Variants in FAM20A observed in about 807,000 individuals in gnomAD.
The protein encoded by FAM20A is FAM20A golgi associated secretory pathway pseudokinase.
In FAM20A, 42 loss-of-function variants were observed where a neutral mutation model predicts 52.0. The ratio of observed to expected loss-of-function variants is 0.81; its 90% CI spans 0.63 to 1.04. The LOEUF (loss-of-function observed/expected upper bound fraction) is 1.04. Among genes scored for constraint, FAM20A ranks in the 50% least tolerant of loss-of-function variants. The probability of loss-of-function intolerance (pLI) is 0.00; values close to 1 mark genes in which losing one functional copy is unlikely to be tolerated. For missense variants in FAM20A, 742 were observed against 712.7 expected (o/e 1.04, Z -0.47); for synonymous variants, 304 against 298.9 (o/e 1.02, Z -0.18).
intron 1 of FAM20A, among the ~76,000 whole-genome samples, chr17:68,579,691 TG>T (rs1302984366): frequency 1.3e-5 from 2 of 152,210 alleles, no homozygotes; most frequent in Non-Finnish European, 1.5e-5. Context: ...GTAGGGATTC[TG>T]CTCCACACAC....
chr17:68,551,582 G>A (rs1253364254), intron 4 of FAM20A, among the ~76,000 whole-genome samples: 1 of 151,972 alleles, frequency 6.6e-6, no homozygotes, highest in Non-Finnish European at 1.5e-5. Flanking sequence ...GACATTGTAA[G>A]AGTATCTGGC....
chr17:68,590,049 C>T (rs2088261684), intron 1 of FAM20A: 1 of 152,208 alleles, frequency 6.6e-6, no homozygotes, highest in Non-Finnish European at 1.5e-5. Context: ...TCTGTCAGCA[C>T]AGTTACTGGA....
Position 68,539,954 on chromosome 17 carries a change from C to A in FAM20A, c.1232G>T (p.Arg411Leu). The A allele has an allele frequency of 3.1e-6, 5 of 1,614,098 alleles. No individual in the cohort carries two copies. Among genetic ancestry groups the A allele is most frequent in the Non-Finnish European group, 4.2e-6 (5 of 1,180,000 alleles). ...IFDFLIGNMDRHHYEMFTKFG... is the reference protein window; with the variant it reads ...IFDFLIGNMDLHHYEMFTKFG... The stretch of plus-strand genomic sequence containing the variant: ...CTTGGTGAACATCTCATAATGGTGC[C>A]GGTCCATATTCCCTGTGAAGGAGGG... Residue 411 changes from arginine to leucine, a missense_variant, in exon 9 of 11, where the codon CGG (arginine) becomes CTG (leucine). By Grantham distance (102) the Arg-to-Leu change is moderately radical. Coordinates refer to ENST00000592554, the MANE Select transcript of FAM20A (RefSeq NM_017565.4).
At chr17:68,596,894 A>G (rs1442582771) in intron 1 of FAM20A, among the ~76,000 whole-genome samples, 1 of 152,220 alleles carries the variant, frequency 6.6e-6, no homozygotes, top group Non-Finnish European at 1.5e-5. Flanking sequence ...GGGAGGGAAG[A>G]ACAGTGAGTG....
chr17:68,542,116 C>T lies in FAM20A; in HGVS notation c.978G>A (p.Glu326=). ...GGTGTGGGTTGCCACAGACAGCATA[C>T]TCCGTCTTGCACATGTATGGACACT... ...FAKCPYMCKT[E]YAVCGNPHLL... is the part of the protein sequence containing the mutation. Residue 326 remains glutamate (E), a synonymous_variant, in exon 7 of 11, where the codon GAG becomes GAA. Transcript: ENST00000592554. 1 of 1,614,086 alleles carries T rather than the reference C, an allele frequency of 6.2e-7. No homozygotes were observed. The highest frequency in any genetic ancestry group is 8.5e-7 in the Non-Finnish European group (1 of 1,180,014).
rs1481442457 is a variant in FAM20A, at chr17:68,572,000, A to AT, written c.405-16258dup. ...TGTATATACATACATATATATATAT[A>AT]TATATATATATATATATATATATAT... On this transcript the variant is annotated intron_variant, in intron 1 of 10. Transcript: ENST00000592554. 7.3e-3 allele frequency among the ~76,000 whole-genome samples: 266 copies of AT among 36,284 alleles called. 7 individuals carry two copies. Among genetic ancestry groups the AT allele is most frequent in the African/African-American group, 0.028 (203 of 7,336 alleles). The allele number at this position is 36,284 out of a possible 152,430, so 23.8% of individuals were successfully genotyped here. A position where few individuals can be genotyped will look rare whatever the true frequency, so the allele number is the denominator to read the frequency against.
intron 1 of FAM20A, among the ~76,000 whole-genome samples, chr17:68,568,392 C>T (rs888782042): frequency 7.9e-5 from 12 of 151,606 alleles, no homozygotes; most frequent in East Asian, 3.9e-4. Flanking sequence ...GACATGAACC[C>T]GGGAGGTGGA....
chr17:68,540,669 G>C, intron 8 of FAM20A, 180 bp downstream of exon 8: 2 of 782,036 alleles, frequency 2.6e-6, no homozygotes, highest in Non-Finnish European at 4.3e-6. Flanking sequence ...CCAGTTCTTT[G>C]AAGAGAGGGG....
In FAM20A at chr17:68,600,602, T is replaced by A; in HGVS notation, c.65A>T (p.Asp22Val). 1 of 1,563,252 alleles carries A rather than the reference T, an allele frequency of 6.4e-7. No individual in the cohort carries two copies. The highest frequency in any genetic ancestry group is 8.6e-7 in the Non-Finnish European group (1 of 1,157,092). The change falls in exon 1 of 11, where the codon GAC becomes GTC. Residue 22 changes from aspartate (D) to valine (V), a missense_variant. By Grantham distance (152) the Asp-to-Val change is radical. Coordinates refer to ENST00000592554, the MANE Select transcript of FAM20A (RefSeq NM_017565.4). The surrounding 1 kb of genome is among the most constrained non-coding windows in gnomAD (Gnocchi z 6.2). ...TTGGGGCCAGAGGTGGAAGTAGAGG[T>A]CGGCGGAGAGCAGCGCGCCCAGCAG... Reference protein sequence around the residue: ...LLLLGALLSADLYFHLWPQVQ... With the variant: ...LLLLGALLSAVLYFHLWPQVQ...
chr17:68,571,989 T>TACACACAC (rs1320410658), intron 1 of FAM20A, among the ~76,000 whole-genome samples: 1 of 6,956 alleles, frequency 1.4e-4, no homozygotes, highest in African/African-American at 6.6e-4. Context: ...TATACATACA[T>TACACACAC]ATATATATAT....
intron 1 of FAM20A, among the ~76,000 whole-genome samples, chr17:68,562,246 T>C (rs2143750663): frequency 6.6e-6 from 1 of 152,390 alleles, no homozygotes; most frequent in Non-Finnish European, 1.5e-5. Context: ...ATGTTCATTA[T>C]TGTTTGTAAC....
At chr17:68,564,460 C>G (rs1332355320) in intron 1 of FAM20A, among the ~76,000 whole-genome samples, 1 of 152,174 alleles carries the variant, frequency 6.6e-6, no homozygotes, top group Non-Finnish European at 1.5e-5. Flanking sequence ...GCTTTGCAAG[C>G]CACTGCAAAA....
intron 3 of FAM20A, 75 bp from the exon 4 acceptor site, chr17:68,552,026 A>G (rs1317035809): frequency 1.1e-6 from 1 of 943,552 alleles, no homozygotes; most frequent in African/African-American, 1.6e-5. Flanking sequence ...TCCTTCAATA[A>G]GCCCAGCTGA....
In FAM20A at chr17:68,537,759, C is replaced by T. The variant is rs1475377034; in HGVS notation, c.1362-18G>A. 2 of 1,603,504 alleles carry T rather than the reference C, an allele frequency of 1.2e-6. No individual in the cohort carries two copies. The highest frequency in any genetic ancestry group is 1.7e-6 in the Non-Finnish European group (2 of 1,174,420). On this transcript the variant is annotated intron_variant, in intron 10 of 10. Transcript: ENST00000592554. The surrounding 1 kb of genome is among the most constrained non-coding windows in gnomAD (Gnocchi z 4.2). ...TTTTTATCCTGAAAAGACAAAGTTACAGGAACCAAATAAGCAAATGTAAAG... is the reference window on the plus strand; with the variant it reads ...TTTTTATCCTGAAAAGACAAAGTTATAGGAACCAAATAAGCAAATGTAAAG...
At chr17:68,564,426 C>A (rs565149775) in intron 1 of FAM20A, among the ~76,000 whole-genome samples, 1 of 152,304 alleles carries the variant, frequency 6.6e-6, no homozygotes, top group Admixed American at 6.5e-5. Flanking sequence ...AAACACTGTT[C>A]TACTGGCTAA....
chr17:68,599,174 C>T (rs751644385), intron 1 of FAM20A, among the ~76,000 whole-genome samples: 4 of 152,066 alleles, frequency 2.6e-5, no homozygotes, highest in Admixed American at 1.3e-4. Context: ...GTTAAATTGG[C>T]CCAGCTCTGA....
rs796800181 is a variant in FAM20A, at chr17:68,565,383, C to CTTTTTTTTTTT, written c.405-9651_405-9641dup. Among the ~76,000 whole-genome samples the CTTTTTTTTTTT allele has an allele frequency of 8.9e-4, 92 of 103,784 alleles. 7 individuals carry two copies. Among genetic ancestry groups the CTTTTTTTTTTT allele is most frequent in the African/African-American group, 3.7e-3 (86 of 22,974 alleles). The allele number at this position is 103,784 out of a possible 152,430, so 68.1% of individuals were successfully genotyped here. A position where few individuals can be genotyped will look rare whatever the true frequency, so the allele number is the denominator to read the frequency against. On this transcript the variant is annotated intron_variant, in intron 1 of 10. Transcript: ENST00000592554. ...CCTGGAGTTTAACCTCCATTACCTC[C>CTTTTTTTTTTT]TTTTTTTTTTTTTTTTTTTTTTTTT...
intron 1 of FAM20A, among the ~76,000 whole-genome samples, chr17:68,558,726 C>CCCTT (rs2087125764): frequency 6.6e-6 from 1 of 151,788 alleles, no homozygotes; most frequent in African/African-American, 2.4e-5. Context: ...TTTTTTCCTT[C>CCCTT]CCTTCCTTCC....
chr17:68,599,039 C>T (rs1439848369), intron 1 of FAM20A, among the ~76,000 whole-genome samples: 1 of 152,098 alleles, frequency 6.6e-6, no homozygotes. Context: ...AAATGTGAGC[C>T]GTAGAGTTAC....
Sources: allele counts gnomAD v4.1 joint callset (sites outside exome capture counted in the v4.1 genomes callset), GRCh38; gene constraint gnomAD v4.1.1; non-coding constraint Gnocchi (gnomAD v3.1); transcripts MANE v1.5; gene names NCBI Gene and HGNC (gene_info 2026-07-23, HGNC 2026-07-21).